DEDD: variants seen among roughly 807,000 people sequenced by gnomAD.
The protein encoded by DEDD is death effector domain containing, also known as death effector domain-containing protein.
Under a neutral mutation model 29.2 loss-of-function variants are expected in DEDD, and 3 were observed. The ratio of observed to expected loss-of-function variants is 0.10; its 90% CI spans 0.05 to 0.27. The LOEUF (loss-of-function observed/expected upper bound fraction) is 0.27. DEDD is among the 10% of genes least tolerant of loss of function. The pLI, the probability that DEDD is intolerant of heterozygous loss-of-function variation, is 1.00. For missense variants in DEDD, 261 were observed against 420.5 expected (o/e 0.62, Z 3.32); for synonymous variants, 152 against 161.3 (o/e 0.94, Z 0.44).
Position 161,124,314 on chromosome 1 carries a change from A to T in DEDD, c.149T>A (p.Val50Asp). The T allele has an allele frequency of 1.2e-6, 2 of 1,614,264 alleles. No homozygotes were observed. Among genetic ancestry groups the T allele is most frequent in the Non-Finnish European group, 1.7e-6 (2 of 1,180,040 alleles). Residue 50 changes from valine (V) to aspartate (D), a missense_variant, in exon 3 of 6, where the codon GTT becomes GAT. This residue lies in a region of DEDD where 203 missense variants were observed against 268.7 expected (regional missense o/e 0.76). Transcript: ENST00000368006. ...ACGCTCGTGGTCATCAATGACATCA[A>T]CAAAGAGGAAAGAAAGCACGCGCAC... is the stretch of plus-strand genomic sequence containing the variant. ...RDVRVLSFLF[V>D]DVIDDHERGL...
At chr1:161,131,047 A>G (rs1656625129) in intron 1 of DEDD, 200 bp from the exon 2 acceptor site, 1 of 152,196 alleles carries the variant, frequency 6.6e-6, no homozygotes, top group South Asian at 2.1e-4. Context: ...CTATTAGTCA[A>G]TTTACAAAAA....
rs1655642056 is a variant in DEDD, at chr1:161,122,684, A to G, written c.581-161T>C. 2.0e-5 allele frequency among the ~76,000 whole-genome samples: 3 copies of G among 152,188 alleles called. No individual in the cohort carries two copies. Among genetic ancestry groups the G allele is most frequent in the African/African-American group, 7.2e-5 (3 of 41,444 alleles). ...AGGACTATTTCTATGTATCTCTGAAATCCTTGCCTGAATGCAGGAGGTTCC... is the reference window on the plus strand; with the variant it reads ...AGGACTATTTCTATGTATCTCTGAAGTCCTTGCCTGAATGCAGGAGGTTCC... On this transcript the variant is annotated intron_variant, in intron 5 of 5. Transcript: ENST00000368006. The surrounding 1 kb of genome is among the most constrained non-coding windows in gnomAD (Gnocchi z 4.2).
intron 1 of DEDD, chr1:161,132,277 C>G (rs1455605890): frequency 6.4e-6 from 1 of 155,224 alleles, no homozygotes; most frequent in Non-Finnish European, 1.5e-5. Flanking sequence ...TGGGCCCAGT[C>G]TCAGCCCTTG....
chr1:161,126,343 C>CTTTT (rs538174697), intron 2 of DEDD, among the ~76,000 whole-genome samples: 3 of 132,502 alleles, frequency 2.3e-5, no homozygotes, highest in Non-Finnish European at 3.2e-5. Context: ...ACTCCAAACT[C>CTTTT]TTTTTTTTTT....
At chr1:161,131,847 G>A (rs1029290660) in intron 1 of DEDD, among the ~76,000 whole-genome samples, 1 of 151,810 alleles carries the variant, frequency 6.6e-6, no homozygotes, top group Non-Finnish European at 1.5e-5. Flanking sequence ...CGGGGAAAGG[G>A]AAACCCCCGA....
rs1312979732 is a variant in DEDD at position 161,124,348 on chromosome 1, G to T, written c.115C>A (p.His39Asn). 10 of 1,614,246 alleles carry T rather than the reference G, an allele frequency of 6.2e-6. No homozygotes were observed. The highest frequency in any genetic ancestry group is 7.6e-6 in the Non-Finnish European group (9 of 1,180,052). ...MFDIVGTHLT[H>N]RDVRVLSFLF... ...AAAGAAAGCACGCGCACATCTCTGT[G>T]TGTCAGATGAGTGCCCACGATGTCA... Residue 39 changes from histidine (H) to asparagine (N), a missense_variant, in exon 3 of 6, where the codon CAC becomes AAC. Physicochemically the swap from His to Asn is moderately conservative, Grantham distance 68 (BLOSUM62 1). Coordinates refer to ENST00000368006, the MANE Select transcript of DEDD (RefSeq NM_032998.3).
chr1:161,130,756 C>G (rs1412406370), intron 2 of DEDD, 59 bp downstream of exon 2: 1 of 152,200 alleles, frequency 6.6e-6, no homozygotes, highest in Non-Finnish European at 1.5e-5. Flanking sequence ...CAAAATAACT[C>G]CCATGCTATT....
chr1:161,122,369 G>A lies in DEDD; in HGVS notation c.735C>T (p.Ile245=). 6.2e-7 allele frequency: 1 copy of A among 1,614,218 alleles called. No homozygotes were observed. The highest frequency in any genetic ancestry group is 8.5e-7 in the Non-Finnish European group (1 of 1,180,044). ...ILKSRDLGSI[I]CDIKFSELTY... ...TGAGCTCAGAGAACTTGATGTCACA[G>A]ATGATGGAGCCCAGGTCCCGGGACT... Residue 245 remains isoleucine, a synonymous_variant, in exon 6 of 6, where the codon ATC becomes ATT. Coordinates refer to ENST00000368006, the MANE Select transcript of DEDD (RefSeq NM_032998.3). This position sits in a 1 kb window ranked among gnomAD's most constrained non-coding sequence, Gnocchi z 4.2.
Position 161,124,479 on chromosome 1 carries a change from C to T in DEDD, c.-17G>A, listed in dbSNP as rs756561014. On this transcript the variant is annotated 5_prime_UTR_variant, in exon 3 of 6. Transcript: ENST00000368006. Reference sequence around the variant, plus strand: ...GCCCGCCATGCTGGGGGCTCAGGTACGCAATGCTTTCCAGAATCCCTGCTC... The same window carrying T: ...GCCCGCCATGCTGGGGGCTCAGGTATGCAATGCTTTCCAGAATCCCTGCTC... 4.0e-5 allele frequency: 64 copies of T among 1,587,030 alleles called. No individual in the cohort carries two copies. Among genetic ancestry groups the T allele is most frequent in the African/African-American group, 9.4e-5 (7 of 74,500 alleles).
intron 2 of DEDD, among the ~76,000 whole-genome samples, chr1:161,126,335 T>C (rs1051340377): frequency 5.5e-5 from 8 of 146,430 alleles, no homozygotes; most frequent in Non-Finnish European, 1.2e-4. Context: ...ATAAGAACAC[T>C]CCAAACTCTT....
Position 161,123,091 on chromosome 1 carries a change from C to T in DEDD, c.564G>A (p.Lys188=). Reference sequence around the variant, plus strand: ...CTTCCTCACCACATGTCTGCTTCTCCTTGGGATCTGGTGTCACTGACTTCC... The same window carrying T: ...CTTCCTCACCACATGTCTGCTTCTCTTTGGGATCTGGTGTCACTGACTTCC... The part of the protein sequence containing the change: ...KRRKSVTPDP[K]EKQTCDIRLR... The change falls in exon 5 of 6, where the codon AAG becomes AAA. Residue 188 remains lysine (K), a synonymous_variant. Transcript: ENST00000368006. 1 of 1,614,184 alleles carries T rather than the reference C, an allele frequency of 6.2e-7. No individual in the cohort carries two copies. The highest frequency in any genetic ancestry group is 1.1e-5 in the South Asian group (1 of 91,090).
intron 5 of DEDD, 58 bp downstream of exon 5, chr1:161,123,017 A>G (rs766206679): frequency 3.7e-6 from 6 of 1,614,232 alleles, no homozygotes; most frequent in Middle Eastern, 1.6e-4. Flanking sequence ...GTGTCCCAGC[A>G]GTTCTTTATA....
In DEDD at chr1:161,123,155, G is replaced by A. The variant is rs763812597; in HGVS notation, c.500C>T (p.Ala167Val). 3 of 1,614,174 alleles carry A rather than the reference G, an allele frequency of 1.9e-6. No individual in the cohort carries two copies. In the South Asian group the frequency reaches 3.3e-5, roughly 18 times the overall value. ...GCTCCCAAGTGTGGCTCTCCCTCGGGCTGGCCGCTTGCTACACATCTGAGG... is the reference window on the plus strand; with the variant it reads ...GCTCCCAAGTGTGGCTCTCCCTCGGACTGGCCGCTTGCTACACATCTGAGG... The part of the protein sequence containing the change: ...SGPQMCSKRP[A>V]RGRATLGSQR... The change falls in exon 5 of 6, where the codon GCC (alanine) becomes GTC (valine). Residue 167 changes from alanine (A) to valine (V), a missense_variant. Around this residue, in one of 2 missense-constraint regions of DEDD, gnomAD observed 203 missense variants for 268.7 expected, o/e 0.76. Coordinates refer to ENST00000368006, the MANE Select transcript of DEDD (RefSeq NM_032998.3).
chr1:161,122,921 G>A lies in DEDD; in HGVS notation c.580+154C>T. 1 of 1,418,992 alleles carries A rather than the reference G, an allele frequency of 7.0e-7. No homozygotes were observed. The highest frequency in any genetic ancestry group is 1.7e-5 in the Admixed American group (1 of 58,900). 87.9% of individuals were successfully genotyped at this position (1,418,992 alleles called of 1,614,324 possible). ...TACCCTGCCACAATCATAAAGAGCA[G>A]TTCTTCCACCAGACACCAAACCATT... On this transcript the variant is annotated intron_variant, in intron 5 of 5. Transcript: ENST00000368006. The surrounding 1 kb of genome is among the most constrained non-coding windows in gnomAD (Gnocchi z 4.2).
chr1:161,123,830 T>A lies in DEDD; in HGVS notation c.433+9A>T, dbSNP rs757501168. On this transcript the variant is annotated intron_variant, in intron 4 of 5. Coordinates refer to ENST00000368006, the MANE Select transcript of DEDD (RefSeq NM_032998.3). ...TGATGGAAAGCAGGGGGAGTTAATG[T>A]CTTCTCACCTGTTTTAGAGGGCTGG... 1.2e-5 allele frequency: 19 copies of A among 1,608,618 alleles called. No homozygotes were observed. The Admixed American group carries it at 3.2e-4, about 27-fold the overall frequency.
chr1:161,124,016 G>C (rs1655871816), intron 3 of DEDD, 70 bp from the exon 4 acceptor site: 4 of 1,588,454 alleles, frequency 2.5e-6, no homozygotes, highest in South Asian at 2.3e-5. Context: ...ACCCCCAGTG[G>C]GCCTCACAAC....
intron 2 of DEDD, 82 bp from the exon 3 acceptor site, chr1:161,124,608 A>G: frequency 7.0e-7 from 1 of 1,433,734 alleles, no homozygotes; most frequent in Non-Finnish European, 9.2e-7. Flanking sequence ...AGTTGCTAAC[A>G]ATGCCTGGCA....
intron 2 of DEDD, among the ~76,000 whole-genome samples, chr1:161,125,782 G>T (rs528199080): frequency 6.6e-6 from 1 of 152,150 alleles, no homozygotes; most frequent in Non-Finnish European, 1.5e-5. Flanking sequence ...GATTACAGGC[G>T]TGAGCCACCG....
At chr1:161,124,557 AC>A (rs1655950192) in intron 2 of DEDD, 31 bp from the exon 3 acceptor site, 2 of 1,509,442 alleles carry the variant, frequency 1.3e-6, no homozygotes, top group South Asian at 2.6e-5. Context: ...CCGATGAGAC[AC>A]TCAAGGGCAG....
Sources: gnomAD v4.1 joint callset for allele counts (sites outside exome capture counted in the v4.1 genomes callset) on GRCh38, gnomAD v4.1.1 for gene constraint, gnomAD v4.1.1 regional missense constraint, Gnocchi (gnomAD v3.1) non-coding constraint, MANE v1.5 for transcripts, NCBI Gene and HGNC (gene_info 2026-07-23, HGNC 2026-07-21) for gene names.